Variants in NDUFB6 observed in about 807,000 individuals in gnomAD.
NDUFB6 encodes NADH dehydrogenase [ubiquinone] 1 beta subcomplex subunit 6.
In NDUFB6, 23 loss-of-function variants were observed where a neutral mutation model predicts 17.5. The observed-to-expected ratio is 1.31, with a 90% CI of 0.94 to 1.86. The LOEUF is 1.86. Ranked by LOEUF, NDUFB6 falls within the 40% of genes most tolerant of loss-of-function variation. The pLI is 0.00. For missense variants in NDUFB6, 167 were observed against 153.8 expected (o/e 1.09, Z -0.46); for synonymous variants, 60 against 53.5 (o/e 1.12, Z -0.53).
intron 2 of NDUFB6, among the ~76,000 whole-genome samples, chr9:32,563,693 TTTCTAA>T (rs959127059): frequency 3.3e-5 from 5 of 152,172 alleles, no homozygotes; most frequent in East Asian, 1.9e-4. Context: ...AATGGTAATT[TTTCTAA>T]TTCTATCATT....
chr9:32,554,996 C>G (rs1160619260), intron 3 of NDUFB6, among the ~76,000 whole-genome samples: 2 of 151,768 alleles, frequency 1.3e-5, no homozygotes, highest in Admixed American at 6.6e-5. Context: ...CTTTAAGAAG[C>G]ATGAGCTCAG....
chr9:32,555,922 A>C (rs1032602948), intron 3 of NDUFB6, among the ~76,000 whole-genome samples: 2 of 152,226 alleles, frequency 1.3e-5, no homozygotes, highest in African/African-American at 4.8e-5. Flanking sequence ...ATTGCCAAGA[A>C]CCAGTGACTA....
rs138669672 is a variant in NDUFB6, at chr9:32,565,969, C to T, written c.273+4991G>A. Among the ~76,000 whole-genome samples, 808 of 151,826 alleles carry T rather than the reference C, an allele frequency of 5.3e-3. 5 individuals are homozygous for T. Among genetic ancestry groups the T allele is most frequent in the African/African-American group, 0.019 (769 of 41,394 alleles). ...CCTGGGCAACGAAAGTGAAACTCCA[C>T]CTACAAAAAACAAACAAACAAACAA... On this transcript the variant is annotated intron_variant, in intron 2 of 3. Transcript: ENST00000379847.
chr9:32,572,729 G>A (rs1587653957), intron 1 of NDUFB6, 152 bp downstream of exon 1: 2 of 607,476 alleles, frequency 3.3e-6, no homozygotes, highest in African/African-American at 1.9e-5. Context: ...CCTGCCTCCC[G>A]AGACTCCAGG....
intron 2 of NDUFB6, among the ~76,000 whole-genome samples, chr9:32,569,253 T>A (rs1159195546): frequency 6.6e-6 from 1 of 151,976 alleles, no homozygotes; most frequent in Non-Finnish European, 1.5e-5. Flanking sequence ...GGAGTCTCAC[T>A]CTGTCGCCAG....
At chr9:32,554,055 G>C (rs1259863586) in intron 3 of NDUFB6, 111 bp from the exon 4 acceptor site, 4 of 641,548 alleles carry the variant, frequency 6.2e-6, no homozygotes, top group Non-Finnish European at 1.1e-5. Context: ...TTGAGTTCTG[G>C]CATTCCCTTT....
chr9:32,570,641 TA>T (rs1457905185), intron 2 of NDUFB6, among the ~76,000 whole-genome samples: 1 of 152,176 alleles, frequency 6.6e-6, no homozygotes, highest in Non-Finnish European at 1.5e-5. Flanking sequence ...TACAGGTTTT[TA>T]AAAAGGAGCA....
chr9:32,573,090 C>A lies in NDUFB6; in HGVS notation c.-30G>T. On this transcript the variant is annotated 5_prime_UTR_variant, in exon 1 of 4. Transcript: ENST00000379847. Reference sequence around the variant, plus strand: ...CCGCTGGTACCAACGCAAAAGGACACGGCGCACCCTCGAACTACGGACTAG... The same window carrying A: ...CCGCTGGTACCAACGCAAAAGGACAAGGCGCACCCTCGAACTACGGACTAG... 1 of 1,507,978 alleles carries A rather than the reference C, an allele frequency of 6.6e-7. No individual in the cohort carries two copies. Among genetic ancestry groups the A allele is most frequent in the Non-Finnish European group, 8.9e-7 (1 of 1,125,066 alleles). 93.4% of individuals were successfully genotyped at this position (1,507,978 alleles called of 1,614,324 possible).
intron 2 of NDUFB6, among the ~76,000 whole-genome samples, chr9:32,560,657 T>C (rs1357195748): frequency 1.3e-5 from 2 of 152,196 alleles, no homozygotes; most frequent in African/African-American, 4.8e-5. Flanking sequence ...ATTTACCATA[T>C]AAATACTTCG....
chr9:32,554,054 G>A (rs993426194), intron 3 of NDUFB6, 110 bp from the exon 4 acceptor site: 3 of 646,506 alleles, frequency 4.6e-6, no homozygotes, highest in Non-Finnish European at 7.9e-6. Flanking sequence ...CTTGAGTTCT[G>A]GCATTCCCTT....
At chr9:32,571,546 G>C (rs368442865) in intron 1 of NDUFB6, among the ~76,000 whole-genome samples, 1 of 151,850 alleles carries the variant, frequency 6.6e-6, no homozygotes, top group African/African-American at 2.4e-5. Flanking sequence ...ACTAAGATGG[G>C]GTGTCCCAAA....
At chr9:32,562,450 C>T (rs1046878578) in intron 2 of NDUFB6, among the ~76,000 whole-genome samples, 1 of 152,126 alleles carries the variant, frequency 6.6e-6, no homozygotes, top group Admixed American at 6.5e-5. Flanking sequence ...TCTGAAAACC[C>T]CCCAAAATTT....
intron 2 of NDUFB6, among the ~76,000 whole-genome samples, chr9:32,560,730 T>C (rs1007476359): frequency 8.5e-5 from 13 of 152,216 alleles, no homozygotes; most frequent in African/African-American, 3.1e-4. Context: ...AATTTAGCTA[T>C]GTTTGTAAAT....
intron 2 of NDUFB6, 65 bp from the exon 3 acceptor site, chr9:32,559,019 G>C (rs1356925317): frequency 8.7e-7 from 1 of 1,147,882 alleles, no homozygotes; most frequent in African/African-American, 1.6e-5. Context: ...ATAAGAAATA[G>C]GTCATACCCC....
intron 2 of NDUFB6, among the ~76,000 whole-genome samples, chr9:32,569,559 G>A (rs1821894713): frequency 6.6e-6 from 1 of 152,194 alleles, no homozygotes; most frequent in Admixed American, 6.5e-5. Flanking sequence ...TGGCACCTAG[G>A]CCAGAGTGCA....
At chr9:32,561,254 A>G (rs1014509501) in intron 2 of NDUFB6, among the ~76,000 whole-genome samples, 3 of 152,176 alleles carry the variant, frequency 2.0e-5, no homozygotes, top group African/African-American at 7.2e-5. Context: ...TTTCTAACAC[A>G]TAAGACAGGC....
chr9:32,561,489 A>G (rs997840247), intron 2 of NDUFB6, among the ~76,000 whole-genome samples: 10 of 152,058 alleles, frequency 6.6e-5, no homozygotes, highest in African/African-American at 2.4e-4. Context: ...CACCAAGCCC[A>G]GCTAATTTTT....
At position 32,568,731 on chromosome 9, in the gene NDUFB6, CAT is replaced by C. The variant is rs774854110; in HGVS notation, c.273+2227_273+2228del. The stretch of plus-strand genomic sequence containing the variant: ...GTGTATGTATATGTGTGTGTGTGTG[CAT>C]ATATATATATATATATTTTTTTTTT... On this transcript the variant is annotated intron_variant, in intron 2 of 3. Coordinates refer to ENST00000379847, the MANE Select transcript of NDUFB6 (RefSeq NM_002493.5). The C allele has an allele frequency of 9.5e-4, 88 of 93,008 alleles. 2 individuals are homozygous for C. Among genetic ancestry groups the C allele is most frequent in the East Asian group, 2.8e-3 (11 of 3,990 alleles). 5.8% of individuals were successfully genotyped at this position (93,008 alleles called of 1,614,324 possible).
Position 32,561,060 on chromosome 9 carries a change from T to C in NDUFB6, c.274-2106A>G, listed in dbSNP as rs926843185. On this transcript the variant is annotated intron_variant, in intron 2 of 3. Transcript: ENST00000379847. The stretch of plus-strand genomic sequence containing the variant: ...ATAACAGATGTATAATGAAATGAAG[T>C]AGCCTTTTTATGAACATAAACTTTT... Among the ~76,000 whole-genome samples, 4 of 152,140 alleles carry C rather than the reference T, an allele frequency of 2.6e-5. No homozygotes were observed. The East Asian group carries it at 7.7e-4, about 29-fold the overall frequency.
Sources: gnomAD v4.1 joint callset for allele counts (sites outside exome capture counted in the v4.1 genomes callset) on GRCh38, gnomAD v4.1.1 for gene constraint, MANE v1.5 for transcripts, NCBI Gene and HGNC (gene_info 2026-07-23, HGNC 2026-07-21) for gene names.